Variants in DNAAF9 observed in about 807,000 individuals in gnomAD.
The protein encoded by DNAAF9 is dynein axonemal assembly factor 9.
Under a neutral mutation model 167.0 loss-of-function variants are expected in DNAAF9, and 90 were observed. That is an observed-to-expected ratio of 0.54 (90% CI 0.45 to 0.64). The LOEUF (loss-of-function observed/expected upper bound fraction) is 0.64, where lower values mean the gene tolerates loss of function less well. Among genes scored for constraint, DNAAF9 ranks in the 30% least tolerant of loss-of-function variants. The pLI is 0.00. For synonymous variants in DNAAF9, 491 were observed against 508.8 expected, an observed-to-expected ratio of 0.96 and a Z score of 0.47; for missense variants, 1,315 against 1,442.2, an observed-to-expected ratio of 0.91 and a Z score of 1.43.
chr20:3,299,551 A>C (rs1178187556), intron 21 of DNAAF9, among the ~76,000 whole-genome samples: 1 of 152,182 alleles, frequency 6.6e-6, no homozygotes, highest in Non-Finnish European at 1.5e-5. Flanking sequence ...GCCTCAAGTG[A>C]TCTGCCCTCC....
intron 30 of DNAAF9, among the ~76,000 whole-genome samples, chr20:3,266,728 C>T (rs2068496953): frequency 6.6e-6 from 1 of 152,174 alleles, no homozygotes; most frequent in Non-Finnish European, 1.5e-5. Flanking sequence ...CTGCCCGCCT[C>T]AGCCTCCCAA....
At chr20:3,343,604 C>T in intron 9 of DNAAF9, 72 bp downstream of exon 9, 1 of 1,207,590 alleles carries the variant, frequency 8.3e-7, no homozygotes. Flanking sequence ...AATGCACCCC[C>T]ACAGCCAACC....
intron 29 of DNAAF9, among the ~76,000 whole-genome samples, chr20:3,274,048 C>G (rs981076695): frequency 2.6e-5 from 4 of 152,096 alleles, no homozygotes; most frequent in African/African-American, 9.7e-5. Context: ...TCATGCCACC[C>G]TGCTCTCTCC....
chr20:3,329,641 C>G (rs2069783756), intron 12 of DNAAF9, among the ~76,000 whole-genome samples: 1 of 152,170 alleles, frequency 6.6e-6, no homozygotes, highest in South Asian at 2.1e-4. Flanking sequence ...TGGGATTGGG[C>G]CTGGAGAACC....
intron 1 of DNAAF9, among the ~76,000 whole-genome samples, chr20:3,388,989 A>G (rs2123267797): frequency 6.6e-6 from 1 of 152,242 alleles, no homozygotes; most frequent in Middle Eastern, 3.4e-3. Flanking sequence ...TTTTTCTGAG[A>G]CAGAGTTTCG....
Position 3,387,884 on chromosome 20 carries a change from TAAAAAAAAAA to T in DNAAF9, c.84-5388_84-5379del, listed in dbSNP as rs557861791. ...AGGGAGACCCTGTCTCTACAAAAAG[TAAAAAAAAAA>T]AAAAAAAAAAAAAAAAAAAAAATTA... On this transcript the variant is annotated intron_variant, in intron 1 of 36. Transcript: ENST00000252032. Among the ~76,000 whole-genome samples, 176 of 87,368 alleles carry T rather than the reference TAAAAAAAAAA, an allele frequency of 2.0e-3. 2 individuals carry two copies. In the South Asian group the frequency reaches 0.025, roughly 12 times the overall value. 57.3% of individuals were successfully genotyped at this position (87,368 alleles called of 152,430 possible).
intron 27 of DNAAF9, among the ~76,000 whole-genome samples, chr20:3,283,862 T>C (rs2068803819): frequency 6.6e-6 from 1 of 152,182 alleles, no homozygotes; most frequent in Non-Finnish European, 1.5e-5. Context: ...AGGAGTCATT[T>C]TAATATAACA....
At chr20:3,366,841 C>T (rs1258452402) in intron 6 of DNAAF9, among the ~76,000 whole-genome samples, 1 of 151,356 alleles carries the variant, frequency 6.6e-6, no homozygotes, top group Non-Finnish European at 1.5e-5. Context: ...GGGAGGATGG[C>T]TTGAGTTTGG....
chr20:3,318,123 T>TTG (rs2069540020), intron 17 of DNAAF9, among the ~76,000 whole-genome samples, 166 bp downstream of exon 17: 5 of 139,456 alleles, frequency 3.6e-5, no homozygotes, highest in South Asian at 2.3e-4. Context: ...TTTTTTTTGA[T>TTG]ACGGGGTCTC....
chr20:3,381,637 C>A, intron 2 of DNAAF9, 139 bp from the exon 3 acceptor site: 1 of 679,672 alleles, frequency 1.5e-6, no homozygotes, highest in Non-Finnish European at 2.3e-6. Context: ...AGAAACCAAG[C>A]TAACCAATTC....
chr20:3,307,978 A>AC (rs1555790317), intron 20 of DNAAF9, among the ~76,000 whole-genome samples: 4 of 151,162 alleles, frequency 2.6e-5, no homozygotes, highest in South Asian at 2.1e-4. Context: ...AAAAAAAAAA[A>AC]AAAAAAAAAA....
rs1469283485 is a variant in DNAAF9, at chr20:3,249,809, T to C, written c.*2763A>G. On this transcript the variant is annotated 3_prime_UTR_variant, in exon 37 of 37. Coordinates refer to ENST00000252032, the MANE Select transcript of DNAAF9 (RefSeq NM_001009984.3). Reference sequence around the variant, plus strand: ...GTGCAAAAATTCTCCAAAATCCTAATAGAATTTAGGAGGGAACTTTTTCTT... The same window carrying C: ...GTGCAAAAATTCTCCAAAATCCTAACAGAATTTAGGAGGGAACTTTTTCTT... The C allele has an allele frequency of 2.0e-5, 3 of 152,202 alleles. No individual in the cohort carries two copies. The highest frequency in any genetic ancestry group is 4.4e-5 in the Non-Finnish European group (3 of 68,038). The allele number at this position is 152,202 out of a possible 1,614,324, so 9.4% of individuals were successfully genotyped here. A position where few individuals can be genotyped will look rare whatever the true frequency, so the allele number is the denominator to read the frequency against.
intron 21 of DNAAF9, among the ~76,000 whole-genome samples, chr20:3,300,293 G>C (rs903329866): frequency 9.9e-5 from 15 of 152,082 alleles, no homozygotes; most frequent in African/African-American, 3.4e-4. Context: ...TGTCTTAATA[G>C]TAAGTCTTCT....
At chr20:3,345,038 G>A (rs1027200048) in intron 8 of DNAAF9, among the ~76,000 whole-genome samples, 1 of 151,946 alleles carries the variant, frequency 6.6e-6, no homozygotes, top group African/African-American at 2.4e-5. Context: ...TATTTATTGA[G>A]GCAGAGTTTT....
chr20:3,301,925 C>A (rs1411092489), intron 21 of DNAAF9, among the ~76,000 whole-genome samples: 1 of 151,838 alleles, frequency 6.6e-6, no homozygotes, highest in Non-Finnish European at 1.5e-5. Context: ...TTTTGAAATA[C>A]TTTTAAAAAA....
intron 31 of DNAAF9, among the ~76,000 whole-genome samples, chr20:3,262,915 TACTG>T (rs1342701400): frequency 6.6e-6 from 1 of 151,112 alleles, no homozygotes; most frequent in Non-Finnish European, 1.5e-5. Flanking sequence ...TAATTTTACA[TACTG>T]ACCCTCTGGG....
intron 16 of DNAAF9, among the ~76,000 whole-genome samples, chr20:3,320,236 T>C (rs2069590171): frequency 6.6e-6 from 1 of 152,222 alleles, no homozygotes. Context: ...TGATATCATA[T>C]GACACATTAG....
chr20:3,367,822 C>T (rs955434268), intron 6 of DNAAF9, among the ~76,000 whole-genome samples: 4 of 150,374 alleles, frequency 2.7e-5, no homozygotes, highest in Admixed American at 1.3e-4. Flanking sequence ...TACCAAAATG[C>T]GACACAGAGA....
At chr20:3,352,132 G>A (rs1467762181) in intron 7 of DNAAF9, among the ~76,000 whole-genome samples, 1 of 152,068 alleles carries the variant, frequency 6.6e-6, no homozygotes, top group Non-Finnish European at 1.5e-5. Flanking sequence ...ACAGAAAACA[G>A]AATAAGAATC....
Sources: allele counts gnomAD v4.1 joint callset (sites outside exome capture counted in the v4.1 genomes callset), GRCh38; gene constraint gnomAD v4.1.1; transcripts MANE v1.5; gene names NCBI Gene and HGNC (gene_info 2026-07-23, HGNC 2026-07-21).